Variants in SLC35F1 observed in about 807,000 individuals in gnomAD.
SLC35F1 encodes the protein chromosome 6 open reading frame 169.
SLC35F1 carries 14 observed loss-of-function variants against 48.7 expected under a neutral mutation model. That is an observed-to-expected ratio of 0.29 (90% CI 0.19 to 0.45). The LOEUF is 0.45. Ranked by LOEUF, SLC35F1 falls within the 20% of genes least tolerant of loss-of-function variation. SLC35F1 has a pLI of 1.00. For missense variants in SLC35F1, 404 were observed against 500.0 expected (o/e 0.81, Z 1.83); for synonymous variants, 190 against 202.2 (o/e 0.94, Z 0.51).
chr6:118,135,305 T>A (rs1011611512), intron 1 of SLC35F1, among the ~76,000 whole-genome samples: 1 of 152,212 alleles, frequency 6.6e-6, no homozygotes, highest in Admixed American at 6.5e-5. Context: ...AGAATCATTC[T>A]CTGGGTTATA....
chr6:118,001,398 T>C (rs899137594), intron 1 of SLC35F1, among the ~76,000 whole-genome samples: 4 of 152,194 alleles, frequency 2.6e-5, no homozygotes, highest in African/African-American at 7.2e-5. Context: ...GCTAGCCATA[T>C]GTAGAAAGCT....
intron 3 of SLC35F1, among the ~76,000 whole-genome samples, chr6:118,248,107 G>C (rs1400210461): frequency 6.6e-6 from 1 of 152,190 alleles, no homozygotes; most frequent in African/African-American, 2.4e-5. Context: ...ACCTTCCAGA[G>C]TGACTATCTT....
chr6:118,119,494 G>GCCCCCCCCCCC (rs369126799), intron 1 of SLC35F1, among the ~76,000 whole-genome samples: 5 of 52,192 alleles, frequency 9.6e-5, no homozygotes, highest in Non-Finnish European at 1.6e-4. Flanking sequence ...AATAACCGGC[G>GCCCCCCCCCCC]CCCCCCCTCC....
chr6:118,246,289 A>G (rs963653768), intron 3 of SLC35F1, among the ~76,000 whole-genome samples: 2 of 152,202 alleles, frequency 1.3e-5, no homozygotes, highest in Non-Finnish European at 2.9e-5. Flanking sequence ...TCTCTGTTCT[A>G]TAAAGGACCG....
At chr6:117,923,678 C>CATATGTACAT (rs1562238734) in intron 1 of SLC35F1, among the ~76,000 whole-genome samples, 1 of 20,966 alleles carries the variant, frequency 4.8e-5, no homozygotes, top group African/African-American at 1.9e-4. Context: ...CATATATGTA[C>CATATGTACAT]ATATATACAT....
At chr6:118,236,237 C>G (rs1775363376) in intron 3 of SLC35F1, among the ~76,000 whole-genome samples, 2 of 152,152 alleles carry the variant, frequency 1.3e-5, no homozygotes, top group Non-Finnish European at 2.9e-5. Flanking sequence ...CCTTCTCTTT[C>G]TCACATGAAC....
intron 3 of SLC35F1, among the ~76,000 whole-genome samples, chr6:118,245,069 C>T (rs181979990): frequency 6.6e-6 from 1 of 152,312 alleles, no homozygotes; most frequent in East Asian, 1.9e-4. Context: ...AAAAGATCCC[C>T]TCTCCGAAGA....
chr6:118,236,806 T>C (rs1422169544), intron 3 of SLC35F1, among the ~76,000 whole-genome samples: 1 of 152,204 alleles, frequency 6.6e-6, no homozygotes. Context: ...CCTGTGACTT[T>C]TAGACTGATG....
chr6:117,985,618 C>A (rs77571807), intron 1 of SLC35F1, among the ~76,000 whole-genome samples: 4 of 152,172 alleles, frequency 2.6e-5, no homozygotes, highest in African/African-American at 7.2e-5. Flanking sequence ...GCATAACTAT[C>A]TATACACACT....
At chr6:117,920,312 C>T (rs1775881338) in intron 1 of SLC35F1, among the ~76,000 whole-genome samples, 1 of 152,128 alleles carries the variant, frequency 6.6e-6, no homozygotes, top group Non-Finnish European at 1.5e-5. Flanking sequence ...CGGACGGGGG[C>T]GAGTGTTCCG....
In SLC35F1 at chr6:118,066,740, C is replaced by CTT. The variant is rs778659612; in HGVS notation, c.174-87686_174-87685dup. Among the ~76,000 whole-genome samples the CTT allele has an allele frequency of 2.0e-3, 255 of 125,128 alleles. 2 individuals carry two copies. Among genetic ancestry groups the CTT allele is most frequent in the Non-Finnish European group, 3.2e-3 (187 of 59,330 alleles). 82.1% of individuals were successfully genotyped at this position (125,128 alleles called of 152,430 possible). On this transcript the variant is annotated intron_variant, in intron 1 of 7. Coordinates refer to ENST00000360388, the MANE Select transcript of SLC35F1 (RefSeq NM_001029858.4). ...TGATAGCTTATCTAAGGCAGTAGTTCTTTTTTTTTTTTTTTTTTTTCTTGA... is the reference window on the plus strand; with the variant it reads ...TGATAGCTTATCTAAGGCAGTAGTTCTTTTTTTTTTTTTTTTTTTTTTCTTGA...
chr6:118,155,276 C>T (rs945118411), intron 2 of SLC35F1, among the ~76,000 whole-genome samples: 1 of 152,094 alleles, frequency 6.6e-6, no homozygotes, highest in Non-Finnish European at 1.5e-5. Flanking sequence ...CCACTGAATC[C>T]AGTGTGCTGT....
chr6:118,035,882 CAG>C (rs1772124391), intron 1 of SLC35F1, among the ~76,000 whole-genome samples: 1 of 151,494 alleles, frequency 6.6e-6, no homozygotes, highest in East Asian at 2.0e-4. Context: ...TTAGTAGAGA[CAG>C]TGTTTCACCA....
At chr6:118,070,397 C>G (rs968923151) in intron 1 of SLC35F1, among the ~76,000 whole-genome samples, 4 of 152,070 alleles carry the variant, frequency 2.6e-5, no homozygotes, top group Non-Finnish European at 5.9e-5. Context: ...AATCTTCTGT[C>G]AAGGAGCCGA....
intron 1 of SLC35F1, among the ~76,000 whole-genome samples, chr6:118,126,910 A>T (rs964065940): frequency 1.3e-5 from 2 of 152,130 alleles, no homozygotes; most frequent in Non-Finnish European, 2.9e-5. Flanking sequence ...CTAGATATAC[A>T]ATCATGTCGT....
At chr6:118,248,055 T>C (rs1170665279) in intron 3 of SLC35F1, among the ~76,000 whole-genome samples, 1 of 152,252 alleles carries the variant, frequency 6.6e-6, no homozygotes, top group Non-Finnish European at 1.5e-5. Context: ...AAAGAGTTCA[T>C]ATGTTTTTGA....
At chr6:117,908,247 C>CGGGGGTCG (rs1273857901) in intron 1 of SLC35F1, among the ~76,000 whole-genome samples, 18 of 152,226 alleles carry the variant, frequency 1.2e-4, no homozygotes, top group Non-Finnish European at 2.4e-4. Context: ...GCTTTGCGAT[C>CGGGGGTCG]GGGGGTCGGG....
intron 2 of SLC35F1, among the ~76,000 whole-genome samples, chr6:118,220,970 C>G (rs1209683636): frequency 6.6e-6 from 1 of 152,116 alleles, no homozygotes; most frequent in Non-Finnish European, 1.5e-5. Flanking sequence ...ACATGTTTGT[C>G]ACACGACACA....
In SLC35F1 at chr6:118,014,678, A is replaced by G. The variant is rs17822363; in HGVS notation, c.173+106779A>G. 6.7e-3 allele frequency among the ~76,000 whole-genome samples: 1,025 copies of G among 152,298 alleles called. 7 individuals are homozygous for G. The highest frequency in any genetic ancestry group is 0.011 in the Non-Finnish European group (715 of 68,022). ...AAGTTGGAGGTTAACTGAAAGCCAA[A>G]GGAGAGAAATGCCATCTTCTCAAGG... On this transcript the variant is annotated intron_variant, in intron 1 of 7. Coordinates refer to ENST00000360388, the MANE Select transcript of SLC35F1 (RefSeq NM_001029858.4).
Sources: gnomAD v4.1 joint callset for allele counts (sites outside exome capture counted in the v4.1 genomes callset) on GRCh38, gnomAD v4.1.1 for gene constraint, MANE v1.5 for transcripts, NCBI Gene and HGNC (gene_info 2026-07-23, HGNC 2026-07-21) for gene names.